The following IQGAP3 variants were observed in gnomAD, a reference collection of about 807,000 sequenced individuals.
IQGAP3 encodes the protein IQ motif containing GTPase activating protein 3, also known as ras GTPase-activating-like protein IQGAP3.
IQGAP3 carries 165 observed loss-of-function variants against 208.2 expected under a neutral mutation model. The ratio of observed to expected loss-of-function variants is 0.79; its 90% confidence interval spans 0.70 to 0.90. The LOEUF is 0.90. Ranked by LOEUF, IQGAP3 falls within the 40% of genes least tolerant of loss-of-function variation. The probability of loss-of-function intolerance (pLI) is 0.00; values close to 1 mark genes in which losing one functional copy is unlikely to be tolerated. For missense variants in IQGAP3, 1,811 were observed against 2,043.1 expected (o/e 0.89, Z 2.19); for synonymous variants, 703 against 803.6 (o/e 0.87, Z 2.12).
At chr1:156,570,017 G>C (rs1676577045) in intron 1 of IQGAP3, among the ~76,000 whole-genome samples, 1 of 152,042 alleles carries the variant, frequency 6.6e-6, no homozygotes, top group African/African-American at 2.4e-5. Flanking sequence ...ACTTCCCTCA[G>C]TACCTCCCAG....
intron 1 of IQGAP3, among the ~76,000 whole-genome samples, chr1:156,570,036 T>A (rs1676578199): frequency 1.3e-5 from 2 of 152,188 alleles, no homozygotes; most frequent in African/African-American, 4.8e-5. Flanking sequence ...AGCTGGGACA[T>A]CCAGAGCCTT....
chr1:156,566,418 ATCT>A lies in IQGAP3; in HGVS notation c.251_253del (p.Lys84del). On this transcript the variant is annotated inframe_deletion, in exon 3 of 38. Transcript: ENST00000361170. ...GTACCGCAGCTGCTCCACATCGTAG[ATCT>A]TCTTCAAGGGAACCACGGAGGGTGC... The A allele has an allele frequency of 1.9e-6, 3 of 1,614,090 alleles. No homozygotes were observed. The highest frequency in any genetic ancestry group is 2.5e-6 in the Non-Finnish European group (3 of 1,180,018).
intron 16 of IQGAP3, 122 bp from the exon 17 acceptor site, chr1:156,548,870 A>G: frequency 1.0e-6 from 1 of 954,890 alleles, no homozygotes. Context: ...CTGAAGGAGT[A>G]GACGGGAACA....
chr1:156,562,713 C>T, intron 8 of IQGAP3, 48 bp from the exon 9 acceptor site: 1 of 1,460,398 alleles, frequency 6.8e-7, no homozygotes, highest in Non-Finnish European at 9.6e-7. Flanking sequence ...AATTTAATCT[C>T]CTTGTCCTGC....
intron 1 of IQGAP3, 118 bp downstream of exon 1, chr1:156,572,375 C>T: frequency 8.8e-7 from 1 of 1,140,834 alleles, no homozygotes; most frequent in Non-Finnish European, 1.3e-6. Context: ...TGAGCAGTCC[C>T]ACCGCCCTCG....
intron 12 of IQGAP3, 40 bp from the exon 13 acceptor site, chr1:156,554,432 G>A (rs758480818): frequency 1.9e-6 from 3 of 1,559,930 alleles, no homozygotes; most frequent in African/African-American, 2.7e-5. Flanking sequence ...GTGGGCAGGT[G>A]AAGGGTCTAA....
intron 1 of IQGAP3, 65 bp from the exon 2 acceptor site, chr1:156,569,528 CTTTTT>C (rs34005985): frequency 1.1e-3 from 156 of 138,162 alleles, no homozygotes; most frequent in East Asian, 1.5e-3. Flanking sequence ...ACTGAAGGGT[CTTTTT>C]TTTTTTTTTT....
intron 13 of IQGAP3, 97 bp downstream of exon 13, chr1:156,554,138 G>T: frequency 7.0e-7 from 1 of 1,429,976 alleles, no homozygotes; most frequent in Non-Finnish European, 9.4e-7. Context: ...CCAAGAATGG[G>T]ACATCGTACA....
At chr1:156,554,454 C>T in intron 12 of IQGAP3, 62 bp from the exon 13 acceptor site, 2 of 1,462,296 alleles carry the variant, frequency 1.4e-6, no homozygotes, top group Non-Finnish European at 1.8e-6. Context: ...GGCCTATTCA[C>T]CATCCTGCCC....
chr1:156,548,010 G>A (rs1040122598), intron 19 of IQGAP3, 63 bp downstream of exon 19: 56 of 1,446,248 alleles, frequency 3.9e-5, no homozygotes, highest in African/African-American at 7.2e-5. Context: ...AGGAAGCAGC[G>A]TGGATACCCT....
intron 4 of IQGAP3, among the ~76,000 whole-genome samples, chr1:156,564,963 C>A (rs1676335655): frequency 6.6e-6 from 1 of 152,146 alleles, no homozygotes; most frequent in South Asian, 2.1e-4. Context: ...GCCATCAAGG[C>A]TACAGGATAT....
At chr1:156,540,141 G>A (rs1279218486) in intron 23 of IQGAP3, 151 bp from the exon 24 acceptor site, 3 of 787,332 alleles carry the variant, frequency 3.8e-6, no homozygotes, top group Non-Finnish European at 6.0e-6. Context: ...TCTAGGGTGA[G>A]GAAGGGCCCC....
chr1:156,528,210 T>C, intron 36 of IQGAP3, 150 bp from the exon 37 acceptor site: 1 of 657,856 alleles, frequency 1.5e-6, no homozygotes. Flanking sequence ...GCTCGCTGTC[T>C]TCTCCATTTT....
chr1:156,566,844 C>G (rs1676420024), intron 2 of IQGAP3, among the ~76,000 whole-genome samples: 1 of 151,732 alleles, frequency 6.6e-6, no homozygotes, highest in Admixed American at 6.6e-5. Flanking sequence ...TAGCTTCTCA[C>G]TCAGTCTAGT....
intron 37 of IQGAP3, 95 bp downstream of exon 37, chr1:156,527,857 A>G: frequency 1.3e-6 from 1 of 791,838 alleles, no homozygotes; most frequent in Non-Finnish European, 2.2e-6. Flanking sequence ...AGCTGGTGTC[A>G]TCTGAGGACT....
chr1:156,562,978 G>T (rs1676227699), intron 8 of IQGAP3, among the ~76,000 whole-genome samples, 156 bp downstream of exon 8: 1 of 152,110 alleles, frequency 6.6e-6, no homozygotes, highest in South Asian at 2.1e-4. Context: ...ATTCTTCCAA[G>T]TTCCTTTCCT....
At chr1:156,539,337 C>A in intron 25 of IQGAP3, 37 bp downstream of exon 25, 2 of 1,592,974 alleles carry the variant, frequency 1.3e-6, no homozygotes, top group South Asian at 2.2e-5. Flanking sequence ...TCTCTTAACC[C>A]ATTCTCTCCC....
intron 33 of IQGAP3, 48 bp from the exon 34 acceptor site, chr1:156,530,365 G>C: frequency 2.0e-6 from 3 of 1,522,428 alleles, no homozygotes; most frequent in Non-Finnish European, 2.7e-6. Context: ...CTACCATTCT[G>C]CTCCCACACC....
Position 156,526,077 on chromosome 1 carries a change from G to A in IQGAP3, c.*409C>T, listed in dbSNP as rs1171954615. On this transcript the variant is annotated 3_prime_UTR_variant, in exon 38 of 38. Transcript: ENST00000361170. The stretch of plus-strand genomic sequence containing the variant: ...GTGGGAGGTAGGGATGGGGAGCCTG[G>A]CCCTGGCTTTGTGGGAGTGCAGAGA... 4 of 194,322 alleles carry A rather than the reference G, an allele frequency of 2.1e-5. No homozygotes were observed. The highest frequency in any genetic ancestry group is 3.3e-5 in the Non-Finnish European group (3 of 92,140). 12.0% of individuals were successfully genotyped at this position (194,322 alleles called of 1,614,324 possible).
Sources: gnomAD v4.1 joint callset for allele counts (sites outside exome capture counted in the v4.1 genomes callset) on GRCh38, gnomAD v4.1.1 for gene constraint, MANE v1.5 for transcripts, NCBI Gene and HGNC (gene_info 2026-07-23, HGNC 2026-07-21) for gene names.